Variants in THOC2 observed in about 807,000 individuals in gnomAD.
The protein encoded by THOC2 is THO complex subunit 2, also known as THO complex 2.
Under a neutral mutation model 128.4 loss-of-function variants are expected in THOC2, and 10 were observed. The observed-to-expected ratio is 0.08, with a 90% CI of 0.05 to 0.13. The LOEUF (loss-of-function observed/expected upper bound fraction) is 0.13, where lower values mean the gene tolerates loss of function less well. THOC2 is among the 10% of genes least tolerant of loss of function. THOC2 has a pLI of 1.00. For missense variants in THOC2, 535 were observed against 1,155.7 expected, an observed-to-expected ratio of 0.46 and a Z score of 7.79; for synonymous variants, 393 against 396.9, an observed-to-expected ratio of 0.99 and a Z score of 0.12.
intron 1 of THOC2, among the ~76,000 whole-genome samples, chrX:123,721,126 C>T (rs985924440): frequency 5.5e-5 from 6 of 108,697 alleles, no homozygotes; most frequent in Non-Finnish European, 1.9e-5. Context: ...ATCCTGAACC[C>T]TAAGAACATG....
At chrX:123,652,128 T>C (rs891245302) in intron 12 of THOC2, among the ~76,000 whole-genome samples, 2 of 111,726 alleles carry the variant, frequency 1.8e-5, no homozygotes, top group Non-Finnish European at 3.8e-5. Flanking sequence ...TGGTTCAACA[T>C]AGGCAAATCA....
rs748643179 is a variant in THOC2, at chrX:123,608,906, G to A, written c.*18+2012C>T. Among the ~76,000 whole-genome samples, 9 of 112,225 alleles carry A rather than the reference G, an allele frequency of 8.0e-5. No homozygotes were observed. In the South Asian group the frequency reaches 1.1e-3, roughly 14 times the overall value. On this transcript the variant is annotated intron_variant, in intron 38 of 38. Coordinates refer to ENST00000245838, the MANE Select transcript of THOC2 (RefSeq NM_001081550.2). ...TCTAGAAGTTTTGCTATAAGACCACGAGCCAAATATCTAACCCTGACCAGT... is the reference window on the plus strand; with the variant it reads ...TCTAGAAGTTTTGCTATAAGACCACAAGCCAAATATCTAACCCTGACCAGT...
intron 9 of THOC2, among the ~76,000 whole-genome samples, chrX:123,670,050 G>A (rs1232945498): frequency 8.9e-6 from 1 of 111,839 alleles, no homozygotes; most frequent in Non-Finnish European, 1.9e-5. Context: ...ACATATGCCG[G>A]TCTATACTTC....
At chrX:123,723,370 C>T (rs55778357) in intron 1 of THOC2, among the ~76,000 whole-genome samples, 3,387 of 111,078 alleles carry the variant, frequency 0.03, 83 homozygotes, top group African/African-American at 0.086. Context: ...CTGAAATAGC[C>T]TGGCAATATC....
At position 123,696,819 on chromosome X, in the gene THOC2, T is replaced by C. The variant is rs2050464866; in HGVS notation, c.369A>G (p.Leu123=). The change falls in exon 6 of 39, where the codon CTA becomes CTG. Residue 123 remains leucine, a synonymous_variant. Transcript: ENST00000245838. ...ACLYLVSDTV[L]KERLDPETLE... is the part of the protein sequence containing the mutation. ...GTGTTTCTGGATCCAGGCGTTCCTT[T>C]AGAACTGTGTCTGAAACTAAATACT... 1 of 1,196,692 alleles carries C rather than the reference T, an allele frequency of 8.4e-7. No homozygotes were observed. Among genetic ancestry groups the C allele is most frequent in the Non-Finnish European group, 1.1e-6 (1 of 886,888 alleles).
At chrX:123,617,653 A>G (rs2046944603) in intron 33 of THOC2, among the ~76,000 whole-genome samples, 1 of 111,942 alleles carries the variant, frequency 8.9e-6, no homozygotes, top group African/African-American at 3.2e-5. Flanking sequence ...CACTGTTATG[A>G]GCATGAAATG....
chrX:123,729,701 C>T (rs1569457700), intron 1 of THOC2, among the ~76,000 whole-genome samples: 1 of 112,618 alleles, frequency 8.9e-6, no homozygotes, highest in African/African-American at 3.2e-5. Flanking sequence ...ATATTCTAAA[C>T]GCCAAATCTA....
At chrX:123,638,723 C>CACGT (rs1213148945) in intron 17 of THOC2, among the ~76,000 whole-genome samples, 1 of 102,825 alleles carries the variant, frequency 9.7e-6, no homozygotes, top group East Asian at 3.0e-4. Context: ...CAAAGACACA[C>CACGT]ACGTACACAC....
intron 1 of THOC2, among the ~76,000 whole-genome samples, chrX:123,718,461 A>G (rs1240032256): frequency 8.9e-6 from 1 of 112,060 alleles, no homozygotes; most frequent in African/African-American, 3.2e-5. Flanking sequence ...TCAAACAAAA[A>G]AAGTTTCTAC....
Position 123,671,771 on chromosome X carries a change from TAAAAAA to T in THOC2, c.769-16_769-11del. On this transcript the variant is annotated splice_polypyrimidine_tract_variant and intron_variant, in intron 8 of 38. Transcript: ENST00000245838. Reference sequence around the variant, plus strand: ...TCTCGCCATTTGGTTCCTAGAAATATAAAAAAAAAAGTTTCCATTTAGTGCAGAAAG... The same window carrying T: ...TCTCGCCATTTGGTTCCTAGAAATATAAAAGTTTCCATTTAGTGCAGAAAG... 9.7e-7 allele frequency: 1 copy of T among 1,032,991 alleles called. No homozygotes were observed. Among genetic ancestry groups the T allele is most frequent in the Non-Finnish European group, 1.3e-6 (1 of 769,821 alleles). 85.1% of individuals were successfully genotyped at this position (1,032,991 alleles called of 1,213,427 possible). A position where few individuals can be genotyped will look rare whatever the true frequency, so the allele number is the denominator to read the frequency against.
chrX:123,645,379 C>A lies in THOC2; in HGVS notation c.1387-4G>T. ...GTTTGCTTCCATCAGACTGAAACTA[C>A]AATTTAAAAAAAGAAATTAATAAAA... On this transcript the variant is annotated splice_region_variant and splice_polypyrimidine_tract_variant and intron_variant, in intron 12 of 38. Transcript: ENST00000245838. 1 of 1,064,311 alleles carries A rather than the reference C, an allele frequency of 9.4e-7. No individual in the cohort carries two copies. Among genetic ancestry groups the A allele is most frequent in the Admixed American group, 2.7e-5 (1 of 37,523 alleles). The allele number at this position is 1,064,311 out of a possible 1,213,427, so 87.7% of individuals were successfully genotyped here. A position where few individuals can be genotyped will look rare whatever the true frequency, so the allele number is the denominator to read the frequency against.
At chrX:123,692,015 C>A (rs1027453985) in intron 7 of THOC2, among the ~76,000 whole-genome samples, 35 of 111,789 alleles carry the variant, frequency 3.1e-4, no homozygotes, top group African/African-American at 1.1e-3. Context: ...GTCCACAAAG[C>A]CGAAAAATAT....
rs913487563 is a variant in THOC2 at position 123,624,299 on chromosome X, C to A, written c.3187-108G>T. On this transcript the variant is annotated intron_variant, in intron 26 of 38. Transcript: ENST00000245838. ...AATGTTTCCGTGTAAAAACATCATG[C>A]GTATTTGGATAGGTAGTCACAAAAA... is the stretch of plus-strand genomic sequence containing the variant. 3.7e-6 allele frequency: 3 copies of A among 817,756 alleles called. No individual in the cohort carries two copies. In the African/African-American group the frequency reaches 6.3e-5, roughly 17 times the overall value. The allele number at this position is 817,756 out of a possible 1,213,427, so 67.4% of individuals were successfully genotyped here. A position where few individuals can be genotyped will look rare whatever the true frequency, so the allele number is the denominator to read the frequency against.
At chrX:123,680,365 TTGTTCACG>T (rs2049713781) in intron 8 of THOC2, among the ~76,000 whole-genome samples, 1 of 111,068 alleles carries the variant, frequency 9.0e-6, no homozygotes, top group Admixed American at 9.5e-5. Flanking sequence ...GCAGAGACCT[TTGTTCACG>T]TGTTTACCTG....
rs767327134 is a variant in THOC2 at position 123,668,237 on chromosome X, A to C, written c.939T>G (p.Leu313=). ...IAEAKQIVRK[L]TMVVLSSEKM... is the part of the protein sequence containing the mutation. ...TTTCAGAAGACAACACAACCATCGT[A>C]AGCTTTCTAACAATTTGCTTAGCTT... Residue 313 remains leucine (L), a synonymous_variant, in exon 10 of 39, where the codon CTT becomes CTG. Coordinates refer to ENST00000245838, the MANE Select transcript of THOC2 (RefSeq NM_001081550.2). 1.7e-6 allele frequency: 2 copies of C among 1,200,171 alleles called. No homozygotes were observed. Among genetic ancestry groups the C allele is most frequent in the African/African-American group, 3.5e-5 (2 of 57,028 alleles).
At chrX:123,684,194 A>C (rs1320066639) in intron 8 of THOC2, among the ~76,000 whole-genome samples, 2 of 111,979 alleles carry the variant, frequency 1.8e-5, no homozygotes, top group African/African-American at 6.5e-5. Context: ...TATGCAGGTC[A>C]TCATTATTCA....
chrX:123,661,260 T>C (rs1195350545), intron 12 of THOC2, among the ~76,000 whole-genome samples: 1 of 110,595 alleles, frequency 9.0e-6, no homozygotes, highest in Non-Finnish European at 1.9e-5. Context: ...CAAACATCAG[T>C]TGGGCGTGGT....
chrX:123,608,808 C>T (rs1465928962), intron 38 of THOC2, among the ~76,000 whole-genome samples: 1 of 112,117 alleles, frequency 8.9e-6, no homozygotes, highest in Non-Finnish European at 1.9e-5. Flanking sequence ...AAGAAAGTAT[C>T]GTACAAAGTT....
At chrX:123,626,722 A>G (rs1465807631) in intron 23 of THOC2, 60 bp from the exon 24 acceptor site, 14 of 1,075,027 alleles carry the variant, frequency 1.3e-5, no homozygotes, top group African/African-American at 7.7e-5. Context: ...TCTTCTTTTA[A>G]TTGAAAAGTT....
Sources: gnomAD v4.1 joint callset for allele counts (sites outside exome capture counted in the v4.1 genomes callset) on GRCh38, gnomAD v4.1.1 for gene constraint, MANE v1.5 for transcripts, NCBI Gene and HGNC (gene_info 2026-07-23, HGNC 2026-07-21) for gene names.